Variants in FAM174A observed in about 807,000 individuals in gnomAD.
FAM174A encodes the protein family with sequence similarity 174 member A, also known as membrane protein FAM174A.
FAM174A carries 14 observed loss-of-function variants against 14.3 expected under a neutral mutation model. The ratio of observed to expected loss-of-function variants is 0.98; its 90% CI spans 0.65 to 1.53. The LOEUF is 1.53. Among genes scored for constraint, FAM174A ranks in the 40% most tolerant of loss-of-function variants. The pLI, the probability that FAM174A is intolerant of heterozygous loss-of-function variation, is 0.00. For missense variants in FAM174A, 241 were observed against 249.6 expected (o/e 0.97, Z 0.23); for synonymous variants, 108 against 111.4 (o/e 0.97, Z 0.19).
intron 1 of FAM174A, among the ~76,000 whole-genome samples, chr5:100,554,887 ACTAT>A (rs1746339196): frequency 6.6e-6 from 1 of 152,076 alleles, no homozygotes. Context: ...AGCATAAAAT[ACTAT>A]CTAATTTTTT....
chr5:100,578,767 A>C (rs1442409972), intron 2 of FAM174A, among the ~76,000 whole-genome samples: 1 of 152,250 alleles, frequency 6.6e-6, no homozygotes, highest in Non-Finnish European at 1.5e-5. Context: ...TGTAATTTTA[A>C]AAATATTTTT....
chr5:100,563,103 C>G (rs1746561644), intron 2 of FAM174A, among the ~76,000 whole-genome samples: 1 of 151,732 alleles, frequency 6.6e-6, no homozygotes, highest in Non-Finnish European at 1.5e-5. Flanking sequence ...TCTATCTAAG[C>G]TGTTTATATA....
intron 1 of FAM174A, among the ~76,000 whole-genome samples, chr5:100,561,108 T>C (rs1273871228): frequency 1.3e-5 from 2 of 151,872 alleles, no homozygotes; most frequent in Non-Finnish European, 2.9e-5. Flanking sequence ...CATCAGCACA[T>C]AGGAATGCAA....
At position 100,535,601 on chromosome 5, in the gene FAM174A, C is replaced by T. The variant is rs751603238; in HGVS notation, c.71C>T (p.Pro24Leu). Residue 24 changes from proline (P) to leucine (L), a missense_variant, in exon 1 of 3, where the codon CCT (proline) becomes CTT (leucine). Coordinates refer to ENST00000312637, the MANE Select transcript of FAM174A (RefSeq NM_198507.3). ...LASVLLLLLL[P>L]ELSGPLAVLL... ...TCCGTCCTCCTCCTGCTGTTGCTGC[C>T]TGAACTAAGCGGGCCCCTGGCAGTC... 3.0e-5 allele frequency: 48 copies of T among 1,613,194 alleles called. No homozygotes were observed. The highest frequency in any genetic ancestry group is 3.6e-5 in the Non-Finnish European group (43 of 1,179,970).
chr5:100,542,904 G>A (rs1746090140), intron 1 of FAM174A, among the ~76,000 whole-genome samples: 1 of 151,792 alleles, frequency 6.6e-6, no homozygotes, highest in Non-Finnish European at 1.5e-5. Context: ...ATATGTGTGT[G>A]TGTATATATA....
Position 100,551,360 on chromosome 5 carries a change from G to A in FAM174A, c.435-10694G>A, listed in dbSNP as rs142858375. Among the ~76,000 whole-genome samples the A allele has an allele frequency of 5.3e-4, 80 of 152,238 alleles. No homozygotes were observed. In the Middle Eastern group the frequency reaches 0.014, roughly 26 times the overall value. On this transcript the variant is annotated intron_variant, in intron 1 of 2. Transcript: ENST00000312637. ...AAACTTGTCCCTAGCCGATGACTGA[G>A]TGGAGCAGAGCCTGGCCATCCTGAC... is the stretch of plus-strand genomic sequence containing the variant.
chr5:100,583,836 C>T (rs1331815325), intron 2 of FAM174A, among the ~76,000 whole-genome samples: 4 of 152,128 alleles, frequency 2.6e-5, no homozygotes, highest in Non-Finnish European at 5.9e-5. Context: ...ACTTTCATGA[C>T]GTTCTCTCTA....
At chr5:100,565,995 T>G (rs1746636367) in intron 2 of FAM174A, among the ~76,000 whole-genome samples, 2 of 148,220 alleles carry the variant, frequency 1.3e-5, no homozygotes, top group African/African-American at 5.1e-5. Context: ...AAGAACAGCA[T>G]GGGAAAAACT....
chr5:100,571,661 A>G (rs1283338838), intron 2 of FAM174A, among the ~76,000 whole-genome samples: 8 of 120,722 alleles, frequency 6.6e-5, no homozygotes, highest in African/African-American at 2.3e-4. Flanking sequence ...TATATACCTA[A>G]GTGTGTGTGT....
At chr5:100,539,618 T>C (rs1746011371) in intron 1 of FAM174A, among the ~76,000 whole-genome samples, 1 of 152,154 alleles carries the variant, frequency 6.6e-6, no homozygotes, top group Admixed American at 6.5e-5. Context: ...AAGTAGGTAA[T>C]ATCATTCTTA....
chr5:100,567,503 A>AT (rs1259546037), intron 2 of FAM174A, among the ~76,000 whole-genome samples: 1 of 151,880 alleles, frequency 6.6e-6, no homozygotes, highest in African/African-American at 2.4e-5. Context: ...CGAGGAGCAT[A>AT]TATTCATGCG....
chr5:100,565,189 T>G (rs550944796), intron 2 of FAM174A, among the ~76,000 whole-genome samples: 55 of 151,986 alleles, frequency 3.6e-4, no homozygotes, highest in African/African-American at 1.2e-3. Flanking sequence ...GTCCCTGGAA[T>G]GCAAATATCT....
intron 2 of FAM174A, among the ~76,000 whole-genome samples, chr5:100,572,257 T>A (rs1279920717): frequency 1.3e-5 from 2 of 151,502 alleles, no homozygotes; most frequent in Non-Finnish European, 2.9e-5. Flanking sequence ...CGTCTTTTTT[T>A]TTTTTAATTA....
intron 2 of FAM174A, among the ~76,000 whole-genome samples, chr5:100,575,073 G>A (rs1365803293): frequency 6.6e-6 from 1 of 151,960 alleles, no homozygotes; most frequent in Non-Finnish European, 1.5e-5. Context: ...ATATTTATTT[G>A]ATTTATACCT....
intron 1 of FAM174A, among the ~76,000 whole-genome samples, chr5:100,557,891 A>C (rs998759352): frequency 3.3e-5 from 5 of 151,798 alleles, no homozygotes; most frequent in African/African-American, 9.7e-5. Context: ...AAAACCAGCT[A>C]CTGGATTCAT....
intron 1 of FAM174A, among the ~76,000 whole-genome samples, chr5:100,544,905 A>G (rs1293543681): frequency 6.6e-6 from 1 of 152,224 alleles, no homozygotes; most frequent in East Asian, 1.9e-4. Context: ...GCATTTGAAC[A>G]TTACTATCAA....
At chr5:100,579,653 T>C (rs1158723016) in intron 2 of FAM174A, among the ~76,000 whole-genome samples, 2 of 152,122 alleles carry the variant, frequency 1.3e-5, no homozygotes, top group South Asian at 2.1e-4. Flanking sequence ...CCTGAATTCC[T>C]GACCTCAGGT....
chr5:100,548,669 G>A (rs527267823), intron 1 of FAM174A, among the ~76,000 whole-genome samples: 1 of 152,170 alleles, frequency 6.6e-6, no homozygotes, highest in East Asian at 1.9e-4. Context: ...TCTACTTTGT[G>A]CCTTTCTGTG....
At chr5:100,570,413 ACTTTT>A (rs1746756387) in intron 2 of FAM174A, among the ~76,000 whole-genome samples, 2 of 151,918 alleles carry the variant, frequency 1.3e-5, no homozygotes, top group South Asian at 4.1e-4. Flanking sequence ...AACATTTTAA[ACTTTT>A]CTTGTGTGAA....
Sources: gnomAD v4.1 joint callset for allele counts (sites outside exome capture counted in the v4.1 genomes callset) on GRCh38, gnomAD v4.1.1 for gene constraint, MANE v1.5 for transcripts, NCBI Gene and HGNC (gene_info 2026-07-23, HGNC 2026-07-21) for gene names.